Variants in GEMIN4 observed in about 807,000 individuals in gnomAD.
The protein encoded by GEMIN4 is gem-associated protein 4.
A neutral mutation model predicts 76.8 loss-of-function variants in GEMIN4; 59 were observed. That is an observed-to-expected ratio of 0.77 (90% CI 0.62 to 0.95). The LOEUF (loss-of-function observed/expected upper bound fraction) is 0.95. GEMIN4 is among the 40% of genes least tolerant of loss of function. The pLI is 0.00. For synonymous variants in GEMIN4, 562 were observed against 559.7 expected (o/e 1.00, Z -0.06); for missense variants, 1,311 against 1,318.9 (o/e 0.99, Z 0.09).
At position 747,887 on chromosome 17, in the gene GEMIN4, C is replaced by T; in HGVS notation, c.156G>A (p.Glu52=). The T allele has an allele frequency of 6.2e-7, 1 of 1,613,940 alleles. No individual in the cohort carries two copies. Among genetic ancestry groups the T allele is most frequent in the Non-Finnish European group, 8.5e-7 (1 of 1,179,896 alleles). Residue 52 remains glutamate (E), a synonymous_variant, in exon 2 of 2, where the codon GAG becomes GAA. Coordinates refer to ENST00000319004, the MANE Select transcript of GEMIN4 (RefSeq NM_015721.3). ...VGRPIVEALR[E]ISSAAAHSQP... is the part of the protein sequence containing the mutation. ...GGGAGTGTGCTGCAGCCGAGGAGAT[C>T]TCCCTTAAGGCCTCCACGATGGGCC...
At position 747,417 on chromosome 17, in the gene GEMIN4, G is replaced by T. The variant is rs201544259; in HGVS notation, c.626C>A (p.Ala209Glu). The T allele has an allele frequency of 2.7e-4, 435 of 1,613,848 alleles. 1 individual carries two copies. The African/African-American group carries it at 5.2e-3, about 19-fold the overall frequency. ...PPKRLRSDPD[A>E]CPTMPLLAML... ...GGCCAACAGGGGCATGGTGGGGCAC[G>T]CGTCTGGGTCTGACCTAAGCCTCTT... The change falls in exon 2 of 2, where the codon GCG (alanine) becomes GAG (glutamate). Residue 209 changes from alanine to glutamate, a missense_variant. Coordinates refer to ENST00000319004, the MANE Select transcript of GEMIN4 (RefSeq NM_015721.3).
chr17:754,272 A>T (rs1904891463), upstream of GEMIN4: 1 of 152,180 alleles, frequency 6.6e-6, no homozygotes, highest in African/African-American at 2.4e-5. Flanking sequence ...CCTGTTAATG[A>T]TCACAGGAGC....
In GEMIN4 at chr17:747,986, G is replaced by A. The variant is rs764467409; in HGVS notation, c.57C>T (p.Phe19=). 6.8e-6 allele frequency: 11 copies of A among 1,612,442 alleles called. No homozygotes were observed. Among genetic ancestry groups the A allele is most frequent in the Non-Finnish European group, 9.3e-6 (11 of 1,179,346 alleles). ...GGTGGAACAGCTGCTCGGCCAGCAA[G>A]AAGCCTCCATGCAGAATAGTCATTT... The part of the protein sequence containing the change: ...CEEMTILHGG[F]LLAEQLFHPK... Residue 19 remains phenylalanine, a synonymous_variant, in exon 2 of 2, where the codon TTC becomes TTT. Transcript: ENST00000319004.
In GEMIN4 at chr17:744,902, C is replaced by T. The variant is rs1458426751; in HGVS notation, c.3141G>A (p.Arg1047=). 1 of 1,613,212 alleles carries T rather than the reference C, an allele frequency of 6.2e-7. No individual in the cohort carries two copies. The highest frequency in any genetic ancestry group is 1.7e-5 in the Admixed American group (1 of 59,978). ...TCATCTTCTGCAACAGGGTTTGGCG[C>T]CGTTCTTCAGGGCCGATGCCCTCAG... is the stretch of plus-strand genomic sequence containing the variant. The part of the protein sequence containing the change: ...SIAEGIGPEE[R]RQTLLQKMSS... The change falls in exon 2 of 2, where the codon CGG becomes CGA. Residue 1047 remains arginine, a synonymous_variant. Transcript: ENST00000319004.
In GEMIN4 at chr17:745,063, G is replaced by GGAGCATGGCCATGATGTGCA; in HGVS notation, c.2960_2979dup (p.His994CysfsTer18). The GGAGCATGGCCATGATGTGCA allele has an allele frequency of 6.2e-7, 1 of 1,613,812 alleles. No homozygotes were observed. The highest frequency in any genetic ancestry group is 8.5e-7 in the Non-Finnish European group (1 of 1,179,864). On this transcript the variant is annotated frameshift_variant, in exon 2 of 2. Transcript: ENST00000319004. LOFTEE classifies it high-confidence loss of function. This position sits in a 1 kb window ranked among gnomAD's most constrained non-coding sequence, Gnocchi z 4.6. ...TAGAGTGGCTCACAGACCTCCGGGT[G>GGAGCATGGCCATGATGTGCA]GAGCATGGCCATGATGTGCAGAGCA...
chr17:750,368 C>T (rs141582972), intron 1 of GEMIN4, among the ~76,000 whole-genome samples: 3 of 152,202 alleles, frequency 2.0e-5, no homozygotes, highest in Non-Finnish European at 4.4e-5. Flanking sequence ...CTCCCCGGGA[C>T]GCTATGATGG....
intron 1 of GEMIN4, 188 bp downstream of exon 1, chr17:751,945 A>T (rs1654217348): frequency 5.1e-6 from 2 of 393,486 alleles, no homozygotes; most frequent in East Asian, 7.4e-5. Context: ...ACGCGGCCCA[A>T]CGCGCGGCGG....
Position 744,645 on chromosome 17 carries a change from G to C in GEMIN4, c.*221C>G, listed in dbSNP as rs1450016149. 2.9e-5 allele frequency: 14 copies of C among 484,612 alleles called. No homozygotes were observed. The highest frequency in any genetic ancestry group is 5.1e-5 in the Non-Finnish European group (14 of 276,896). 30.0% of individuals were successfully genotyped at this position (484,612 alleles called of 1,614,324 possible). On this transcript the variant is annotated 3_prime_UTR_variant, in exon 2 of 2. Coordinates refer to ENST00000319004, the MANE Select transcript of GEMIN4 (RefSeq NM_015721.3). ...AGATGCGAAAGAGGAGAATTTTTAT[G>C]ATAGTTTGTACGTTACAAATACCCA...
Position 745,812 on chromosome 17 carries a change from G to C in GEMIN4, c.2231C>G (p.Ala744Gly). The stretch of plus-strand genomic sequence containing the variant: ...CCAGACATCCGGGGAGAAGGTCTCA[G>C]CATTGGCTGATACAATCTCACACAG... ...ELLCEIVSAN[A>G]ETFSPDVWIK... Residue 744 changes from alanine to glycine, a missense_variant, in exon 2 of 2, where the codon GCT (alanine) becomes GGT (glycine). Ala to Gly is a moderately conservative substitution (Grantham distance 60). Coordinates refer to ENST00000319004, the MANE Select transcript of GEMIN4 (RefSeq NM_015721.3). This position sits in a 1 kb window ranked among gnomAD's most constrained non-coding sequence, Gnocchi z 4.6. 6.2e-7 allele frequency: 1 copy of C among 1,613,132 alleles called. No individual in the cohort carries two copies. The highest frequency in any genetic ancestry group is 1.3e-5 in the African/African-American group (1 of 75,052).
intron 1 of GEMIN4, 101 bp downstream of exon 1, chr17:752,032 C>G (rs1904740705): frequency 5.9e-6 from 5 of 847,268 alleles, no homozygotes; most frequent in Non-Finnish European, 7.8e-6. Context: ...TCGGTCCGGG[C>G]CCGCGCGAGC....
chr17:752,847 T>G (rs1028637652), upstream of GEMIN4: 1 of 155,136 alleles, frequency 6.4e-6, no homozygotes, highest in Non-Finnish European at 1.4e-5. Context: ...ACTCTCCACC[T>G]CCAGCTTCTA....
chr17:746,507 A>G lies in GEMIN4; in HGVS notation c.1536T>C (p.Ser512=). ...ILRSWGRKGL[S]EKLLAYVEGF... is the part of the protein sequence containing the mutation. The stretch of plus-strand genomic sequence containing the variant: ...CCTCCACATAAGCCAGCAACTTTTC[A>G]GAGAGGCCCTTTCGCCCCCAGGAAC... Residue 512 remains serine, a synonymous_variant, in exon 2 of 2, where the codon TCT becomes TCC. Coordinates refer to ENST00000319004, the MANE Select transcript of GEMIN4 (RefSeq NM_015721.3). This position sits in a 1 kb window ranked among gnomAD's most constrained non-coding sequence, Gnocchi z 4.3. The G allele has an allele frequency of 6.2e-7, 1 of 1,613,988 alleles. No individual in the cohort carries two copies. Among genetic ancestry groups the G allele is most frequent in the Non-Finnish European group, 8.5e-7 (1 of 1,179,870 alleles).
intron 1 of GEMIN4, among the ~76,000 whole-genome samples, chr17:751,171 A>G (rs1276345449): frequency 6.6e-6 from 1 of 152,184 alleles, no homozygotes; most frequent in Non-Finnish European, 1.5e-5. Flanking sequence ...TCCATGCCAG[A>G]CACTGTGCTA....
In GEMIN4 at chr17:747,511, G is replaced by T; in HGVS notation, c.532C>A (p.Leu178Met). 1 of 1,613,838 alleles carries T rather than the reference G, an allele frequency of 6.2e-7. No homozygotes were observed. Among genetic ancestry groups the T allele is most frequent in the Non-Finnish European group, 8.5e-7 (1 of 1,179,842 alleles). The change falls in exon 2 of 2, where the codon CTG becomes ATG. Residue 178 changes from leucine (L) to methionine (M), a missense_variant. This residue lies in a region of GEMIN4 where 1,208 missense variants were observed against 1,166.9 expected (regional missense o/e 1.04). Coordinates refer to ENST00000319004, the MANE Select transcript of GEMIN4 (RefSeq NM_015721.3). Reference protein sequence around the residue: ...MKHKGHPQDPLLSQFSAMAHK... With the variant: ...MKHKGHPQDPMLSQFSAMAHK... ...GCCATTGCACTAAACTGGGAGAGCA[G>T]GGGGTCCTGCGGGTGACCCTTGTGC...
chr17:748,214 A>C (rs1348571295), intron 1 of GEMIN4, 182 bp from the exon 2 acceptor site: 1 of 588,088 alleles, frequency 1.7e-6, no homozygotes, highest in African/African-American at 1.9e-5. Context: ...CGAGGAATCC[A>C]GAATGGCTTC....
chr17:752,877 C>T (rs1904835674), upstream of GEMIN4: 1 of 153,856 alleles, frequency 6.5e-6, no homozygotes, highest in African/African-American at 2.4e-5. Flanking sequence ...ACCGCCTCCA[C>T]CACCCCATGT....
Position 747,554 on chromosome 17 carries a change from G to C in GEMIN4, c.489C>G (p.Val163=). The C allele has an allele frequency of 6.2e-7, 1 of 1,613,926 alleles. No individual in the cohort carries two copies. The highest frequency in any genetic ancestry group is 8.5e-7 in the Non-Finnish European group (1 of 1,179,892). The change falls in exon 2 of 2, where the codon GTC becomes GTG. Residue 163 remains valine (V), a synonymous_variant. Transcript: ENST00000319004. The part of the protein sequence containing the change: ...SAEDVAFFLD[V]WWEVMKHKGH... The stretch of plus-strand genomic sequence containing the variant: ...CCTTGTGCTTCATCACCTCCCACCA[G>C]ACGTCCAGGAAGAAGGCCACGTCTT...
upstream of GEMIN4, chr17:752,312 G>A (rs1183971778): frequency 8.2e-6 from 10 of 1,222,564 alleles, no homozygotes; most frequent in South Asian, 1.7e-4. Context: ...CGCACGCGCA[G>A]TCCTCACGAA....
chr17:751,310 G>A (rs1567782427), intron 1 of GEMIN4, among the ~76,000 whole-genome samples: 1 of 152,198 alleles, frequency 6.6e-6, no homozygotes, highest in Non-Finnish European at 1.5e-5. Context: ...ATGTGGTGGG[G>A]CTGGGAAGCA....
Sources: gnomAD v4.1 joint callset for allele counts (sites outside exome capture counted in the v4.1 genomes callset) on GRCh38, gnomAD v4.1.1 for gene constraint, gnomAD v4.1.1 regional missense constraint, Gnocchi (gnomAD v3.1) non-coding constraint, MANE v1.5 for transcripts, NCBI Gene and HGNC (gene_info 2026-07-23, HGNC 2026-07-21) for gene names.